The following RBM20 variants were observed in gnomAD, a reference collection of about 807,000 sequenced individuals.
The protein encoded by RBM20 is RNA binding motif protein 20, also known as RNA-binding protein 20.
RBM20 carries 51 observed loss-of-function variants against 110.1 expected under a neutral mutation model. The ratio of observed to expected loss-of-function variants is 0.46; its 90% CI spans 0.37 to 0.59. The LOEUF (loss-of-function observed/expected upper bound fraction) is 0.59, where lower values mean the gene tolerates loss of function less well. Among genes scored for constraint, RBM20 ranks in the 20% least tolerant of loss-of-function variants. RBM20 has a pLI of 0.00. For synonymous variants in RBM20, 589 were observed against 618.2 expected (o/e 0.95, Z 0.70); for missense variants, 1,512 against 1,574.9 (o/e 0.96, Z 0.68).
At chr10:110,672,478 G>C (rs1190318694) in intron 1 of RBM20, among the ~76,000 whole-genome samples, 2 of 152,226 alleles carry the variant, frequency 1.3e-5, no homozygotes, top group African/African-American at 2.4e-5. Context: ...GGCTGCTGCC[G>C]TCCTCCCTCG....
chr10:110,762,836 C>T (rs1256910125), intron 1 of RBM20, among the ~76,000 whole-genome samples: 1 of 152,166 alleles, frequency 6.6e-6, no homozygotes, highest in Non-Finnish European at 1.5e-5. Context: ...AACTCTTAGT[C>T]TAAGAAAGTT....
At chr10:110,689,812 CTTCA>C (rs1425945813) in intron 1 of RBM20, among the ~76,000 whole-genome samples, 4 of 152,250 alleles carry the variant, frequency 2.6e-5, no homozygotes, top group African/African-American at 9.6e-5. Context: ...TCTTGGTATT[CTTCA>C]TATCATCAAG....
intron 1 of RBM20, among the ~76,000 whole-genome samples, chr10:110,682,577 C>T (rs1287979052): frequency 6.6e-6 from 1 of 152,142 alleles, no homozygotes; most frequent in East Asian, 1.9e-4. Context: ...CTGCCAACTC[C>T]TGTTGTGAAA....
rs376303757 is a variant in RBM20, at chr10:110,835,954, A to G, written c.3660A>G (p.Pro1220=). ...SPRPEDSGIV[P]RFERKKL is the part of the protein sequence containing the mutation. The stretch of plus-strand genomic sequence containing the variant: ...GGCCAGAGGACAGCGGAATCGTGCC[A>G]CGCTTCGAAAGGAAAAAGCTCTGAT... Residue 1220 remains proline (P), a synonymous_variant, in exon 14 of 14, where the codon CCA becomes CCG. Coordinates refer to ENST00000369519, the MANE Select transcript of RBM20 (RefSeq NM_001134363.3). 80 of 1,325,878 alleles carry G rather than the reference A, an allele frequency of 6.0e-5. No individual in the cohort carries two copies. In the South Asian group the frequency reaches 1.0e-3, roughly 17 times the overall value. 82.1% of individuals were successfully genotyped at this position (1,325,878 alleles called of 1,614,324 possible). A position where few individuals can be genotyped will look rare whatever the true frequency, so the allele number is the denominator to read the frequency against.
intron 1 of RBM20, among the ~76,000 whole-genome samples, chr10:110,675,628 G>T (rs1314360143): frequency 2.0e-5 from 3 of 152,184 alleles, no homozygotes. Flanking sequence ...CTTCACCACT[G>T]TATAATACTG....
At chr10:110,648,153 A>G (rs572382004) in intron 1 of RBM20, among the ~76,000 whole-genome samples, 5 of 152,338 alleles carry the variant, frequency 3.3e-5, no homozygotes, top group Admixed American at 2.0e-4. Context: ...TTGGTTTAGC[A>G]TTTGATGGCT....
intron 5 of RBM20, among the ~76,000 whole-genome samples, 175 bp from the exon 6 acceptor site, chr10:110,797,333 T>C (rs556549715): frequency 1.3e-5 from 2 of 152,260 alleles, no homozygotes; most frequent in East Asian, 1.9e-4. Context: ...TGTAAAGAGA[T>C]AGAATAAAAT....
Position 110,781,582 on chromosome 10 carries a change from T to C in RBM20, c.973T>C (p.Phe325Leu), listed in dbSNP as rs1311664917. The C allele has an allele frequency of 1.3e-6, 2 of 1,551,440 alleles. No homozygotes were observed. Among genetic ancestry groups the C allele is most frequent in the African/African-American group, 2.7e-5 (2 of 72,986 alleles). The change falls in exon 2 of 14, where the codon TTC (phenylalanine) becomes CTC (leucine). Residue 325 changes from phenylalanine (F) to leucine (L), a missense_variant. By Grantham distance (22) the Phe-to-Leu change is conservative (BLOSUM62 0). Around this residue, in one of 3 missense-constraint regions of RBM20, gnomAD observed 1,149 missense variants for 1,169.4 expected, o/e 0.98. Coordinates refer to ENST00000369519, the MANE Select transcript of RBM20 (RefSeq NM_001134363.3). ...TNSQWESPHG[F>L]SGQSKPDLTA... The stretch of plus-strand genomic sequence containing the variant: ...CAGCCAATGGGAGAGCCCCCATGGA[T>C]TCTCGGGCCAAAGCAAGCCTGATCT...
rs12242903 is a variant in RBM20, at chr10:110,679,520, C to T, written c.191+34875C>T. 2.6e-5 allele frequency among the ~76,000 whole-genome samples: 4 copies of T among 152,212 alleles called. No homozygotes were observed. The South Asian group carries it at 8.3e-4, about 32-fold the overall frequency. On this transcript the variant is annotated intron_variant, in intron 1 of 13. Transcript: ENST00000369519. The stretch of plus-strand genomic sequence containing the variant: ...AGAGGCATGAGCCACCGTGCCCAGC[C>T]TCTTCTTGTTAATAATTATCATAGT...
intron 1 of RBM20, among the ~76,000 whole-genome samples, chr10:110,767,813 C>T (rs1844126275): frequency 2.0e-5 from 3 of 152,240 alleles, no homozygotes; most frequent in South Asian, 2.1e-4. Context: ...GATGGGATGG[C>T]GGCGGGGCAG....
chr10:110,650,381 G>C (rs939234752), intron 1 of RBM20, among the ~76,000 whole-genome samples: 1 of 152,164 alleles, frequency 6.6e-6, no homozygotes, highest in African/African-American at 2.4e-5. Flanking sequence ...GGCACATATT[G>C]GTGCTGATGT....
chr10:110,651,159 A>G (rs1423172525), intron 1 of RBM20, among the ~76,000 whole-genome samples: 1 of 152,226 alleles, frequency 6.6e-6, no homozygotes, highest in Non-Finnish European at 1.5e-5. Context: ...AAAATTGTGG[A>G]GTGATACCCA....
At chr10:110,758,271 C>T (rs1223107703) in intron 1 of RBM20, among the ~76,000 whole-genome samples, 3 of 152,050 alleles carry the variant, frequency 2.0e-5, no homozygotes, top group Admixed American at 6.6e-5. Flanking sequence ...CCTGCCTCAG[C>T]CTCTCAAAGT....
intron 5 of RBM20, 68 bp from the exon 6 acceptor site, chr10:110,797,440 A>G: frequency 1.5e-5 from 21 of 1,404,040 alleles, no homozygotes; most frequent in Non-Finnish European, 2.0e-5. Context: ...AGCCATTAAG[A>G]ACGTCTGGAA....
chr10:110,705,796 C>T (rs1862828748), intron 1 of RBM20, among the ~76,000 whole-genome samples: 1 of 152,174 alleles, frequency 6.6e-6, no homozygotes, highest in South Asian at 2.1e-4. Flanking sequence ...ACTACTGACG[C>T]TTGGCCGGAT....
chr10:110,750,276 G>A (rs1053425593), intron 1 of RBM20, among the ~76,000 whole-genome samples: 2 of 152,204 alleles, frequency 1.3e-5, no homozygotes, highest in African/African-American at 2.4e-5. Flanking sequence ...GGAAACTATC[G>A]TTGTATAGGG....
rs150284207 is a variant in RBM20 at position 110,709,641 on chromosome 10, A to G, written c.191+64996A>G. 3.7e-3 allele frequency among the ~76,000 whole-genome samples: 548 copies of G among 148,212 alleles called. 1 individual carries two copies. The highest frequency in any genetic ancestry group is 0.014 in the Middle Eastern group (4 of 286). The stretch of plus-strand genomic sequence containing the variant: ...GAGTGCAGTGTTATGATCGTAGCTC[A>G]CTGCAGCCTTGAACTCCTGAGCTCA... On this transcript the variant is annotated intron_variant, in intron 1 of 13. Coordinates refer to ENST00000369519, the MANE Select transcript of RBM20 (RefSeq NM_001134363.3).
chr10:110,833,372 G>C (rs1845080601), intron 13 of RBM20, among the ~76,000 whole-genome samples: 1 of 84,136 alleles, frequency 1.2e-5, no homozygotes, highest in Non-Finnish European at 2.2e-5. Context: ...CTGGGTGACG[G>C]AGCGAAACTC....
In RBM20 at chr10:110,729,050, G is replaced by A. The variant is rs116016826; in HGVS notation, c.192-51751G>A. ...AAAGTATAGGCTTTTAATACTGTTCGCCGAGACAGAATATTGGTTACTGTT... is the reference window on the plus strand; with the variant it reads ...AAAGTATAGGCTTTTAATACTGTTCACCGAGACAGAATATTGGTTACTGTT... On this transcript the variant is annotated intron_variant, in intron 1 of 13. Coordinates refer to ENST00000369519, the MANE Select transcript of RBM20 (RefSeq NM_001134363.3). Among the ~76,000 whole-genome samples the A allele has an allele frequency of 8.5e-3, 1,299 of 152,230 alleles. 15 individuals are homozygous for A. The highest frequency in any genetic ancestry group is 0.03 in the African/African-American group (1,243 of 41,516).
Sources: allele counts gnomAD v4.1 joint callset (sites outside exome capture counted in the v4.1 genomes callset), GRCh38; gene constraint gnomAD v4.1.1; regional missense constraint gnomAD v4.1.1; transcripts MANE v1.5; gene names NCBI Gene and HGNC (gene_info 2026-07-23, HGNC 2026-07-21).